Variants in AKAP7 observed in about 807,000 individuals in gnomAD.
The protein encoded by AKAP7 is A kinase (PRKA) anchor protein 7.
AKAP7 carries 39 observed loss-of-function variants against 39.5 expected under a neutral mutation model. The observed-to-expected ratio is 0.99, with a 90% CI of 0.76 to 1.29. The LOEUF (loss-of-function observed/expected upper bound fraction) is 1.29, where lower values mean the gene tolerates loss of function less well. AKAP7 is among the 50% of genes most tolerant of loss of function. The pLI is 0.00. For missense variants in AKAP7, 414 were observed against 407.7 expected, an observed-to-expected ratio of 1.02 and a Z score of -0.13; for synonymous variants, 140 against 139.1, an observed-to-expected ratio of 1.01 and a Z score of -0.05.
At chr6:131,269,753 A>G (rs980493408) in intron 7 of AKAP7, among the ~76,000 whole-genome samples, 3 of 152,176 alleles carry the variant, frequency 2.0e-5, no homozygotes, top group Admixed American at 2.0e-4. Flanking sequence ...GGAGAATTAA[A>G]ACAATTTATT....
chr6:131,141,275 C>A (rs1277310365), intron 1 of AKAP7, among the ~76,000 whole-genome samples: 1 of 151,978 alleles, frequency 6.6e-6, no homozygotes, highest in East Asian at 1.9e-4. Context: ...CAGAAGAGAT[C>A]TAGTTGATTA....
At chr6:131,225,036 G>A (rs561436314) in intron 7 of AKAP7, among the ~76,000 whole-genome samples, 68 of 152,044 alleles carry the variant, frequency 4.5e-4, no homozygotes, top group Non-Finnish European at 8.4e-4. Context: ...GATTACAGGC[G>A]TGAATTACTG....
chr6:131,250,460 G>A (rs1052872190), intron 7 of AKAP7: 47 of 1,578,444 alleles, frequency 3.0e-5, no homozygotes, highest in African/African-American at 2.7e-4. Flanking sequence ...GTGCTGCTCC[G>A]TGGAGTGAAA....
At chr6:131,175,106 A>T (rs1183668363) in intron 5 of AKAP7, among the ~76,000 whole-genome samples, 1 of 152,210 alleles carries the variant, frequency 6.6e-6, no homozygotes, top group East Asian at 1.9e-4. Flanking sequence ...CTATTAAGAG[A>T]ATCCTAAGAA....
chr6:131,176,736 G>A (rs1214522046), intron 5 of AKAP7, among the ~76,000 whole-genome samples: 1 of 152,126 alleles, frequency 6.6e-6, no homozygotes, highest in Non-Finnish European at 1.5e-5. Context: ...TGCTCCTTGT[G>A]AAGAATCTGT....
chr6:131,212,162 T>C (rs1808727507), intron 6 of AKAP7, among the ~76,000 whole-genome samples: 1 of 152,266 alleles, frequency 6.6e-6, no homozygotes, highest in Admixed American at 6.5e-5. Flanking sequence ...ATATCATATG[T>C]TGAATCATCC....
At chr6:131,248,350 G>C (rs1404855843) in intron 7 of AKAP7, among the ~76,000 whole-genome samples, 1 of 152,150 alleles carries the variant, frequency 6.6e-6, no homozygotes, top group Non-Finnish European at 1.5e-5. Flanking sequence ...TAAACCCATG[G>C]TTTCCTGACT....
intron 5 of AKAP7, among the ~76,000 whole-genome samples, chr6:131,196,267 CTTT>C (rs199967369): frequency 4.5e-5 from 6 of 133,920 alleles, no homozygotes; most frequent in Non-Finnish European, 6.3e-5. Context: ...ATGTCAGTTG[CTTT>C]TTTTTTTTTT....
chr6:131,271,737 A>G (rs1367395305), intron 7 of AKAP7, among the ~76,000 whole-genome samples: 4 of 152,152 alleles, frequency 2.6e-5, no homozygotes, highest in Non-Finnish European at 5.9e-5. Flanking sequence ...GGAAAAGTAG[A>G]GACACATGAG....
intron 1 of AKAP7, among the ~76,000 whole-genome samples, chr6:131,136,412 G>A (rs1402143364): frequency 6.6e-6 from 1 of 152,198 alleles, no homozygotes; most frequent in Admixed American, 6.5e-5. Flanking sequence ...AGTTTCATAG[G>A]ATAAACTCAT....
chr6:131,239,874 A>G (rs1473492782), intron 7 of AKAP7, among the ~76,000 whole-genome samples: 1 of 152,114 alleles, frequency 6.6e-6, no homozygotes. Context: ...AGCTTGGAGT[A>G]GTTTGATCGT....
At chr6:131,132,442 C>T (rs906033741), upstream of AKAP7, among the ~76,000 whole-genome samples, 1 of 152,142 alleles carries the variant, frequency 6.6e-6, no homozygotes, top group Non-Finnish European at 1.5e-5. Context: ...ATCCTCTGGT[C>T]CACACTTCCC....
At chr6:131,212,100 G>A (rs148221467) in intron 6 of AKAP7, among the ~76,000 whole-genome samples, 2 of 152,258 alleles carry the variant, frequency 1.3e-5, no homozygotes, top group East Asian at 1.9e-4. Flanking sequence ...GTTAGTACTC[G>A]AAGTATGGGT....
chr6:131,220,191 G>T (rs1419326924), intron 7 of AKAP7, among the ~76,000 whole-genome samples: 1 of 152,182 alleles, frequency 6.6e-6, no homozygotes, highest in East Asian at 1.9e-4. Context: ...CGAATAAAAT[G>T]ATTCCAGCCA....
At chr6:131,184,334 G>A (rs561140485) in intron 5 of AKAP7, 2 of 638,624 alleles carry the variant, frequency 3.1e-6, no homozygotes, top group Non-Finnish European at 6.0e-6. Flanking sequence ...ATCAAGAGGA[G>A]TTCTTGTTCT....
intron 7 of AKAP7, among the ~76,000 whole-genome samples, chr6:131,241,624 T>TATATAC (rs1562238154): frequency 7.5e-6 from 1 of 132,790 alleles, no homozygotes; most frequent in African/African-American, 3.1e-5. Context: ...TGTGTGTGTG[T>TATATAC]GTGTATATAT....
intron 6 of AKAP7, among the ~76,000 whole-genome samples, chr6:131,201,226 C>T (rs1356352135): frequency 6.6e-6 from 1 of 152,122 alleles, no homozygotes; most frequent in African/African-American, 2.4e-5. Flanking sequence ...CTCCAGTTCA[C>T]GCAGAGTCAT....
At chr6:131,129,649 G>C in the AKAP7 span, among the ~76,000 whole-genome samples, 1 of 152,154 alleles carries the variant, frequency 6.6e-6, no homozygotes, top group Admixed American at 6.5e-5. Context: ...CCCTTCAACT[G>C]TGTCTGACTA....
chr6:131,127,367 T>C, the AKAP7 span, among the ~76,000 whole-genome samples: 4 of 152,210 alleles, frequency 2.6e-5, no homozygotes, highest in Non-Finnish European at 5.9e-5. Flanking sequence ...ATAGGTTGTA[T>C]GTCATGATGG....
Sources: gnomAD v4.1 joint callset for allele counts (sites outside exome capture counted in the v4.1 genomes callset) on GRCh38, gnomAD v4.1.1 for gene constraint, MANE v1.5 for transcripts, NCBI Gene and HGNC (gene_info 2026-07-23, HGNC 2026-07-21) for gene names.